The following AMPH variants were observed in gnomAD, a reference collection of about 807,000 sequenced individuals.
AMPH encodes amphiphysin (Stiff-Mann syndrome with breast cancer 128kD autoantigen).
A neutral mutation model predicts 99.1 loss-of-function variants in AMPH; 49 were observed. That is an observed-to-expected ratio of 0.49 (90% CI 0.39 to 0.63). The LOEUF (loss-of-function observed/expected upper bound fraction) is 0.63, where lower values mean the gene tolerates loss of function less well. AMPH is among the 20% of genes least tolerant of loss of function. AMPH has a pLI of 0.00. For synonymous variants in AMPH, 314 were observed against 317.3 expected (o/e 0.99, Z 0.11); for missense variants, 759 against 863.4 (o/e 0.88, Z 1.52).
At position 38,627,948 on chromosome 7, in the gene AMPH, AAG is replaced by A. The variant is rs573793003; in HGVS notation, c.69+3333_69+3334del. ...GATCCTGACTAATTCAACCACGCAA[AAG>A]AGAAACCAGACAAAACCAACCAATA... On this transcript the variant is annotated intron_variant, in intron 1 of 20. Transcript: ENST00000356264. Among the ~76,000 whole-genome samples the A allele has an allele frequency of 1.3e-3, 199 of 152,304 alleles. 1 individual carries two copies. The highest frequency in any genetic ancestry group is 1.0e-2 in the South Asian group (48 of 4,824).
intron 1 of AMPH, among the ~76,000 whole-genome samples, chr7:38,622,969 G>A (rs1794123823): frequency 6.6e-6 from 1 of 152,034 alleles, no homozygotes; most frequent in Non-Finnish European, 1.5e-5. Context: ...GCTCATCCAG[G>A]GATAAGAACG....
intron 1 of AMPH, among the ~76,000 whole-genome samples, chr7:38,589,368 C>A (rs145539852): frequency 1.1e-4 from 17 of 152,336 alleles, no homozygotes; most frequent in African/African-American, 4.1e-4. Flanking sequence ...CTCATTCCAT[C>A]TCTCATTCCT....
At chr7:38,429,301 G>A in intron 14 of AMPH, 1 of 1,287,290 alleles carries the variant, frequency 7.8e-7, no homozygotes, top group South Asian at 1.2e-5. Flanking sequence ...GCTGGCCCCG[G>A]GGCATGCTCA....
At chr7:38,624,532 C>T (rs1794178990) in intron 1 of AMPH, among the ~76,000 whole-genome samples, 1 of 147,026 alleles carries the variant, frequency 6.8e-6, no homozygotes, top group Non-Finnish European at 1.5e-5. Context: ...GTATCCTGCT[C>T]ACTACAGTCA....
chr7:38,405,466 T>C (rs374804910), intron 17 of AMPH, among the ~76,000 whole-genome samples: 3 of 151,948 alleles, frequency 2.0e-5, no homozygotes, highest in East Asian at 3.9e-4. Flanking sequence ...CCATCTAACA[T>C]GTAATGACAC....
At chr7:38,528,006 T>C (rs1203536789) in intron 2 of AMPH, among the ~76,000 whole-genome samples, 4 of 152,190 alleles carry the variant, frequency 2.6e-5, no homozygotes, top group African/African-American at 9.6e-5. Flanking sequence ...TATATGATCA[T>C]ATGATTTTTT....
At chr7:38,565,212 A>T (rs769270757) in intron 1 of AMPH, among the ~76,000 whole-genome samples, 1 of 151,890 alleles carries the variant, frequency 6.6e-6, no homozygotes, top group Non-Finnish European at 1.5e-5. Context: ...AATATGATTT[A>T]TTATAATTTT....
intron 12 of AMPH, among the ~76,000 whole-genome samples, chr7:38,432,447 AT>A (rs1471841745): frequency 2.0e-5 from 3 of 152,230 alleles, no homozygotes; most frequent in Non-Finnish European, 4.4e-5. Flanking sequence ...ACAAAACCAC[AT>A]TTTAAATTTT....
intron 2 of AMPH, among the ~76,000 whole-genome samples, chr7:38,523,646 A>C (rs998367076): frequency 5.3e-5 from 8 of 152,098 alleles, no homozygotes; most frequent in African/African-American, 1.9e-4. Flanking sequence ...AAGAAAGAAA[A>C]ATTTTTACCA....
intron 1 of AMPH, among the ~76,000 whole-genome samples, chr7:38,590,600 A>G (rs1792820345): frequency 6.6e-6 from 1 of 152,132 alleles, no homozygotes; most frequent in South Asian, 2.1e-4. Context: ...ATGATAGATG[A>G]TTTGACTATT....
intron 1 of AMPH, among the ~76,000 whole-genome samples, chr7:38,551,413 C>T (rs1265077848): frequency 2.6e-5 from 4 of 152,176 alleles, no homozygotes; most frequent in African/African-American, 7.2e-5. Flanking sequence ...GCTTCTTTCA[C>T]ATTTACAGTT....
rs767119143 is a variant in AMPH at position 38,394,244 on chromosome 7, T to G, written c.1399-30A>C. On this transcript the variant is annotated intron_variant, in intron 17 of 20. Coordinates refer to ENST00000356264, the MANE Select transcript of AMPH (RefSeq NM_001635.4). Reference sequence around the variant, plus strand: ...AGGGCAGAAACCAGCAGGCCACGTCTGCATCTCCATGGGCCTCTGCCAGGA... The same window carrying G: ...AGGGCAGAAACCAGCAGGCCACGTCGGCATCTCCATGGGCCTCTGCCAGGA... The G allele has an allele frequency of 3.1e-6, 5 of 1,609,336 alleles. No homozygotes were observed. In the Admixed American group the frequency reaches 8.3e-5, roughly 27 times the overall value.
At chr7:38,428,121 C>A in intron 14 of AMPH, 1 of 456,734 alleles carries the variant, frequency 2.2e-6, no homozygotes, top group South Asian at 1.5e-5. Flanking sequence ...ATTATCTAAG[C>A]CTTCTGTATC....
At chr7:38,611,838 C>T (rs2129066500) in intron 1 of AMPH, among the ~76,000 whole-genome samples, 1 of 152,274 alleles carries the variant, frequency 6.6e-6, no homozygotes, top group East Asian at 1.9e-4. Flanking sequence ...CATTAATTCC[C>T]TATACCATAA....
chr7:38,607,425 G>A (rs113004947), intron 1 of AMPH, among the ~76,000 whole-genome samples: 4 of 152,276 alleles, frequency 2.6e-5, no homozygotes, highest in African/African-American at 9.6e-5. Flanking sequence ...AATGGTGCAT[G>A]TCCATTAATG....
chr7:38,414,721 A>G (rs1974674), intron 17 of AMPH, among the ~76,000 whole-genome samples: 5 of 151,752 alleles, frequency 3.3e-5, no homozygotes, highest in South Asian at 2.1e-4. Flanking sequence ...TTGGAGTGCA[A>G]TGGTTAAGAT....
At chr7:38,465,064 G>C (rs1283785196) in intron 9 of AMPH, among the ~76,000 whole-genome samples, 6 of 152,306 alleles carry the variant, frequency 3.9e-5, no homozygotes, top group Admixed American at 3.3e-4. Flanking sequence ...ATTCATGAAA[G>C]ACGTCAGCAT....
rs922825430 is a variant in AMPH at position 38,464,187 on chromosome 7, T to C, written c.750-1074A>G. ...CTTCACTGTATCTCATTTGGCAACA[T>C]TACAATTTTCAGATGAATTTGTCCC... On this transcript the variant is annotated intron_variant, in intron 9 of 20. Transcript: ENST00000356264. The C allele has an allele frequency of 4.9e-6, 6 of 1,212,956 alleles. No homozygotes were observed. In the Admixed American group the frequency reaches 1.4e-4, roughly 28 times the overall value. The allele number at this position is 1,212,956 out of a possible 1,614,324, so 75.1% of individuals were successfully genotyped here. A position where few individuals can be genotyped will look rare whatever the true frequency, so the allele number is the denominator to read the frequency against.
intron 17 of AMPH, among the ~76,000 whole-genome samples, chr7:38,404,522 C>T (rs565957651): frequency 6.6e-6 from 1 of 152,114 alleles, no homozygotes; most frequent in African/African-American, 2.4e-5. Context: ...TATCCATAAC[C>T]AAGGAACCCA....
Sources: allele counts gnomAD v4.1 joint callset (sites outside exome capture counted in the v4.1 genomes callset), GRCh38; gene constraint gnomAD v4.1.1; transcripts MANE v1.5; gene names NCBI Gene and HGNC (gene_info 2026-07-23, HGNC 2026-07-21).